The following ATL1 variants were observed in gnomAD, a reference collection of about 807,000 sequenced individuals.
ATL1 encodes atlastin-1.
Under a neutral mutation model 75.5 loss-of-function variants are expected in ATL1, and 31 were observed. That is an observed-to-expected ratio of 0.41 (90% CI 0.31 to 0.55). ATL1 has a LOEUF of 0.55. Ranked by LOEUF, ATL1 falls within the 20% of genes least tolerant of loss-of-function variation. The pLI is 0.27. For synonymous variants in ATL1, 226 were observed against 233.3 expected, an observed-to-expected ratio of 0.97 and a Z score of 0.28; for missense variants, 405 against 662.6, an observed-to-expected ratio of 0.61 and a Z score of 4.27.
At chr14:50,572,266 A>T (rs1360891047) in intron 1 of ATL1, 4 of 199,896 alleles carry the variant, frequency 2.0e-5, no homozygotes, top group South Asian at 9.2e-5. Flanking sequence ...TTTCCTTTTT[A>T]AAAAAAATTC....
At chr14:50,592,946 A>ATGTGTGTG (rs35964654) in intron 4 of ATL1, among the ~76,000 whole-genome samples, 1 of 132,524 alleles carries the variant, frequency 7.5e-6, no homozygotes, top group East Asian at 2.0e-4. Context: ...ATATATATAT[A>ATGTGTGTG]TGTGTGTGTG....
chr14:50,557,770 C>A (rs573272596), upstream of ATL1, among the ~76,000 whole-genome samples: 1 of 152,254 alleles, frequency 6.6e-6, no homozygotes, highest in African/African-American at 2.4e-5. Context: ...TGATCTTCAC[C>A]CAGCAATGAG....
chr14:50,626,070 C>A (rs2039517857), intron 11 of ATL1, among the ~76,000 whole-genome samples: 2 of 152,154 alleles, frequency 1.3e-5, no homozygotes, highest in African/African-American at 4.8e-5. Flanking sequence ...TATTACTGCT[C>A]GTTGGCAATG....
At chr14:50,573,866 G>A (rs1341966729) in intron 1 of ATL1, among the ~76,000 whole-genome samples, 2 of 152,102 alleles carry the variant, frequency 1.3e-5, no homozygotes, top group African/African-American at 4.8e-5. Flanking sequence ...TTCCTAATAA[G>A]TTTAACCTTT....
At position 50,550,152 on chromosome 14, in the gene ATL1, G is replaced by A. The variant is rs567659815; in HGVS notation, c.-139-9975G>A. Among the ~76,000 whole-genome samples the A allele has an allele frequency of 4.9e-4, 75 of 152,314 alleles. 1 individual carries two copies. The highest frequency in any genetic ancestry group is 1.8e-3 in the African/African-American group (75 of 41,574). Reference sequence around the variant, plus strand: ...TGATATCAACATCAGCAGCACTGATGCCTGCTGGAGTGGTCATAGTGCAGA... The same window carrying A: ...TGATATCAACATCAGCAGCACTGATACCTGCTGGAGTGGTCATAGTGCAGA... On this transcript the variant is annotated intron_variant, in intron 1 of 13. Transcript: ENST00000441560.
chr14:50,553,701 T>C (rs936364910), intron 1 of ATL1, among the ~76,000 whole-genome samples: 1 of 152,174 alleles, frequency 6.6e-6, no homozygotes, highest in Non-Finnish European at 1.5e-5. Context: ...GGAACCAAGC[T>C]AAATGCCCAT....
chr14:50,592,542 T>A (rs1234740653), intron 4 of ATL1, among the ~76,000 whole-genome samples: 6 of 149,114 alleles, frequency 4.0e-5, no homozygotes, highest in South Asian at 4.2e-4. Context: ...GTAAAAGTCA[T>A]AAAAAAAAAA....
chr14:50,533,105 T>C, exon 1 of ATL1: 1 of 152,546 alleles, frequency 6.6e-6, no homozygotes, highest in Non-Finnish European at 1.5e-5. Flanking sequence ...ACTGCACACC[T>C]GCACAACCTG....
intron 11 of ATL1, among the ~76,000 whole-genome samples, chr14:50,625,884 CAG>C (rs1238596036): frequency 7.0e-6 from 1 of 142,938 alleles, no homozygotes; most frequent in African/African-American, 2.6e-5. Context: ...GCCTGGGTGA[CAG>C]AGTGAGACCC....
At chr14:50,565,532 A>G (rs187523827) in intron 1 of ATL1, among the ~76,000 whole-genome samples, 1 of 151,184 alleles carries the variant, frequency 6.6e-6, no homozygotes, top group East Asian at 1.9e-4. Context: ...TATGATATGT[A>G]CTATATATAA....
rs2039365688 is a variant in ATL1 at position 50,611,479 on chromosome 14, T to C, written c.631-1780T>C. ...TTGGTTTTATTTCAAAGTTATGACA[T>C]GTAAAACGTAGAAGGAAGGGAGGAG... On this transcript the variant is annotated intron_variant, in intron 6 of 13. Coordinates refer to ENST00000358385, the MANE Select transcript of ATL1 (RefSeq NM_015915.5). Among the ~76,000 whole-genome samples, 3 of 152,262 alleles carry C rather than the reference T, an allele frequency of 2.0e-5. No individual in the cohort carries two copies. In the South Asian group the frequency reaches 6.2e-4, roughly 32 times the overall value.
intron 1 of ATL1, among the ~76,000 whole-genome samples, chr14:50,551,534 T>TA (rs1031913611): frequency 6.6e-6 from 1 of 152,078 alleles, no homozygotes; most frequent in Non-Finnish European, 1.5e-5. Flanking sequence ...TTGAAGGCAG[T>TA]ATTACCCTAA....
intron 6 of ATL1, among the ~76,000 whole-genome samples, chr14:50,599,313 A>T (rs1488954466): frequency 1.3e-5 from 2 of 152,210 alleles, no homozygotes; most frequent in African/African-American, 4.8e-5. Flanking sequence ...TACATTTTTG[A>T]AGGGATGTCA....
chr14:50,627,065 A>C (rs1157964720), intron 11 of ATL1, among the ~76,000 whole-genome samples: 1 of 152,234 alleles, frequency 6.6e-6, no homozygotes, highest in Non-Finnish European at 1.5e-5. Context: ...CATGAAAGGA[A>C]GTCTATCAAT....
At chr14:50,603,150 C>T (rs1193548738) in intron 6 of ATL1, among the ~76,000 whole-genome samples, 4 of 152,150 alleles carry the variant, frequency 2.6e-5, no homozygotes, top group Admixed American at 2.6e-4. Flanking sequence ...TTCACACAAA[C>T]TTGACTTCTC....
Position 50,628,473 on chromosome 14 carries a change from C to T in ATL1, c.1551+11C>T. ...GCTCTGTGGGACCAGGTAAGAACAC[C>T]TTTAATTCACAACTAAATTCAGCAC... On this transcript the variant is annotated intron_variant, in intron 12 of 13. Transcript: ENST00000358385. 1 of 1,612,910 alleles carries T rather than the reference C, an allele frequency of 6.2e-7. No individual in the cohort carries two copies. Among genetic ancestry groups the T allele is most frequent in the Non-Finnish European group, 8.5e-7 (1 of 1,179,334 alleles).
chr14:50,563,353 A>C (rs73289894), intron 1 of ATL1, among the ~76,000 whole-genome samples: 4,243 of 152,274 alleles, frequency 0.028, 182 homozygotes, highest in African/African-American at 0.096. Flanking sequence ...CATGGAGAGA[A>C]TGGGGTGGGG....
Position 50,630,229 on chromosome 14 carries a change from C to CT in ATL1, c.1566+221dup, listed in dbSNP as rs2039567019. Among the ~76,000 whole-genome samples the CT allele has an allele frequency of 2.0e-5, 3 of 152,152 alleles. No homozygotes were observed. The South Asian group carries it at 6.2e-4, about 32-fold the overall frequency. ...GATTTGATCTACACACACACAAAAA[C>CT]TAAGAATTGAATATCATCAGTATTT... On this transcript the variant is annotated intron_variant, in intron 13 of 13. Coordinates refer to ENST00000358385, the MANE Select transcript of ATL1 (RefSeq NM_015915.5).
chr14:50,563,318 A>G (rs1428239351), intron 1 of ATL1, among the ~76,000 whole-genome samples: 1 of 152,192 alleles, frequency 6.6e-6, no homozygotes, highest in Non-Finnish European at 1.5e-5. Flanking sequence ...TTTATTTTCT[A>G]TAACATGATA....
Sources: gnomAD v4.1 joint callset for allele counts (sites outside exome capture counted in the v4.1 genomes callset) on GRCh38, gnomAD v4.1.1 for gene constraint, MANE v1.5 for transcripts, NCBI Gene and HGNC (gene_info 2026-07-23, HGNC 2026-07-21) for gene names.